The following ALMS1 variants were observed in gnomAD, a reference collection of about 807,000 sequenced individuals.
ALMS1 encodes ALMS1 centrosome and basal body associated protein.
A neutral mutation model predicts 352.2 loss-of-function variants in ALMS1; 271 were observed. The ratio of observed to expected loss-of-function variants is 0.77; its 90% CI spans 0.70 to 0.85. ALMS1 has a LOEUF of 0.85. Ranked by LOEUF, ALMS1 falls within the 40% of genes least tolerant of loss-of-function variation. The pLI is 0.00. For missense variants in ALMS1, 5,445 were observed against 4,870.7 expected (o/e 1.12, Z -3.51); for synonymous variants, 1,865 against 1,761.2 (o/e 1.06, Z -1.48).
At chr2:73,491,616 G>T in intron 10 of ALMS1, 118 bp downstream of exon 10, 1 of 1,093,684 alleles carries the variant, frequency 9.1e-7, no homozygotes, top group Non-Finnish European at 1.4e-6. Context: ...AGTGGAGGTT[G>T]TGTCTGGCTA....
At chr2:73,598,484 C>T (rs1262310734) in intron 16 of ALMS1, among the ~76,000 whole-genome samples, 1 of 152,198 alleles carries the variant, frequency 6.6e-6, no homozygotes, top group Non-Finnish European at 1.5e-5. Context: ...AAGTGTCTAA[C>T]ATAGATCTTC....
At chr2:73,392,325 C>G (rs892204233) in intron 1 of ALMS1, among the ~76,000 whole-genome samples, 33 of 149,532 alleles carry the variant, frequency 2.2e-4, no homozygotes, top group Non-Finnish European at 1.5e-4. Flanking sequence ...GCTTAATTGA[C>G]TTACTTAAAA....
chr2:73,432,434 G>A lies in ALMS1; in HGVS notation c.1432+143G>A, dbSNP rs527863698. 3.0e-5 allele frequency: 19 copies of A among 639,776 alleles called. No individual in the cohort carries two copies. The East Asian group carries it at 5.7e-4, about 19-fold the overall frequency. 39.6% of individuals were successfully genotyped at this position (639,776 alleles called of 1,614,324 possible). The stretch of plus-strand genomic sequence containing the variant: ...AGATGTGTTTATAAATCCTGTCTTA[G>A]TCTCTTTAGACTGCTATTACAAAAA... On this transcript the variant is annotated intron_variant, in intron 7 of 22. Transcript: ENST00000613296.
intron 12 of ALMS1, among the ~76,000 whole-genome samples, chr2:73,539,407 A>C (rs1674110254): frequency 1.3e-5 from 2 of 152,196 alleles, no homozygotes; most frequent in South Asian, 2.1e-4. Context: ...AAGGTAGATA[A>C]AACCACAGAG....
intron 1 of ALMS1, among the ~76,000 whole-genome samples, chr2:73,388,364 C>T (rs1225218448): frequency 6.6e-6 from 1 of 152,068 alleles, no homozygotes. Flanking sequence ...TCTAGTGAAC[C>T]TCTCACCCAA....
chr2:73,456,021 A>G (rs1273617842), intron 9 of ALMS1, among the ~76,000 whole-genome samples: 1 of 152,178 alleles, frequency 6.6e-6, no homozygotes, highest in African/African-American at 2.4e-5. Context: ...TAACTATTTC[A>G]TATGTAGAAA....
intron 9 of ALMS1, among the ~76,000 whole-genome samples, chr2:73,482,282 C>T (rs1672725521): frequency 6.6e-6 from 1 of 152,116 alleles, no homozygotes. Flanking sequence ...GAGTTTTTAG[C>T]ATGAAGTGTT....
intron 1 of ALMS1, among the ~76,000 whole-genome samples, chr2:73,389,791 G>A (rs1308239180): frequency 6.6e-6 from 1 of 152,064 alleles, no homozygotes; most frequent in African/African-American, 2.4e-5. Context: ...CTGGGTTCAA[G>A]CAATTCTCCT....
intron 13 of ALMS1, 129 bp downstream of exon 13, chr2:73,550,566 G>T: frequency 8.4e-7 from 1 of 1,196,026 alleles, no homozygotes; most frequent in Non-Finnish European, 1.2e-6. Context: ...GTTATATTGA[G>T]CATATACAAG....
intron 14 of ALMS1, 71 bp from the exon 15 acceptor site, chr2:73,558,901 A>T: frequency 6.7e-7 from 1 of 1,496,682 alleles, no homozygotes. Context: ...CATAATACGT[A>T]CTTGAGAGAC....
chr2:73,593,370 G>A (rs1675472282), intron 16 of ALMS1, among the ~76,000 whole-genome samples: 1 of 152,218 alleles, frequency 6.6e-6, no homozygotes. Flanking sequence ...CACTCCTATA[G>A]CATCCAGTGC....
chr2:73,497,894 C>A (rs114344381), intron 10 of ALMS1, among the ~76,000 whole-genome samples: 2,425 of 151,818 alleles, frequency 0.016, 36 homozygotes, highest in Middle Eastern at 0.024. Context: ...GTATAGATTT[C>A]TTTGGTACAT....
At chr2:73,537,257 C>T (rs1284412926) in intron 12 of ALMS1, among the ~76,000 whole-genome samples, 1 of 152,148 alleles carries the variant, frequency 6.6e-6, no homozygotes, top group Non-Finnish European at 1.5e-5. Flanking sequence ...AAGTAACACC[C>T]GAGGATAAGA....
intron 9 of ALMS1, among the ~76,000 whole-genome samples, chr2:73,461,682 A>G (rs1294572382): frequency 1.3e-5 from 2 of 152,170 alleles, no homozygotes; most frequent in Admixed American, 6.6e-5. Flanking sequence ...AATTCAAACC[A>G]ATGGCAAAGA....
chr2:73,510,277 TGGA>T (rs1171908352), intron 10 of ALMS1, among the ~76,000 whole-genome samples: 2 of 152,310 alleles, frequency 1.3e-5, no homozygotes, highest in Admixed American at 1.3e-4. Flanking sequence ...TGTGATCCTT[TGGA>T]GGAGAAGAGG....
chr2:73,599,298 G>A lies in ALMS1; in HGVS notation c.11548-103G>A, dbSNP rs185145055. ...AGCTTCCTCCAAATGCATCTCAACA[G>A]TTTGAATTGGATTAGAAAGAGGACT... On this transcript the variant is annotated intron_variant, in intron 16 of 22. Transcript: ENST00000613296. The A allele has an allele frequency of 3.6e-4, 522 of 1,468,730 alleles. 1 individual carries two copies. The African/African-American group carries it at 4.9e-3, about 14-fold the overall frequency. 91.0% of individuals were successfully genotyped at this position (1,468,730 alleles called of 1,614,324 possible). A position where few individuals can be genotyped will look rare whatever the true frequency, so the allele number is the denominator to read the frequency against.
rs946005778 is a variant in ALMS1 at position 73,490,006 on chromosome 2, T to A, written c.8047T>A (p.Leu2683Ile). 1 of 1,614,232 alleles carries A rather than the reference T, an allele frequency of 6.2e-7. No homozygotes were observed. The highest frequency in any genetic ancestry group is 1.7e-5 in the Admixed American group (1 of 60,024). ...DEKMDPWLSE[L>I]VEPAFVPPKE... is the part of the protein sequence containing the mutation. ...AAAGATGGACCCTTGGCTGTCAGAA[T>A]TAGTAGAACCTGCTTTTGTGCCACC... is the stretch of plus-strand genomic sequence containing the variant. Residue 2683 changes from leucine (L) to isoleucine (I), a missense_variant, in exon 10 of 23, where the codon TTA (leucine) becomes ATA (isoleucine). Transcript: ENST00000613296.
At chr2:73,496,631 G>T (rs944392723) in intron 10 of ALMS1, among the ~76,000 whole-genome samples, 6 of 146,436 alleles carry the variant, frequency 4.1e-5, no homozygotes, top group Non-Finnish European at 9.3e-5. Flanking sequence ...ATTTAACTTT[G>T]TAAGAATTAT....
intron 10 of ALMS1, among the ~76,000 whole-genome samples, chr2:73,494,211 A>T (rs1673056622): frequency 6.6e-6 from 1 of 152,204 alleles, no homozygotes; most frequent in African/African-American, 2.4e-5. Context: ...TGGATGTGTC[A>T]TCTCGTCACC....
Sources: gnomAD v4.1 joint callset for allele counts (sites outside exome capture counted in the v4.1 genomes callset) on GRCh38, gnomAD v4.1.1 for gene constraint, MANE v1.5 for transcripts, NCBI Gene and HGNC (gene_info 2026-07-23, HGNC 2026-07-21) for gene names.